The following NOL11 variants were observed in gnomAD, a reference collection of about 807,000 sequenced individuals.
NOL11 encodes the protein nucleolar protein 11.
NOL11 carries 42 observed loss-of-function variants against 93.0 expected under a neutral mutation model. The ratio of observed to expected loss-of-function variants is 0.45; its 90% CI spans 0.35 to 0.58. The LOEUF is 0.58. Among genes scored for constraint, NOL11 ranks in the 20% least tolerant of loss-of-function variants. The probability of loss-of-function intolerance (pLI) is 0.00; values close to 1 mark genes in which losing one functional copy is unlikely to be tolerated. For missense variants in NOL11, 775 were observed against 841.8 expected (o/e 0.92, Z 0.98); for synonymous variants, 296 against 293.7 (o/e 1.01, Z -0.08).
chr17:67,718,411 A>G (rs2043192360), intron 1 of NOL11, among the ~76,000 whole-genome samples: 1 of 152,188 alleles, frequency 6.6e-6, no homozygotes, highest in Non-Finnish European at 1.5e-5. Context: ...TTATTATCTT[A>G]GCCGCCCGCG....
At chr17:67,729,999 C>T (rs1340255559) in intron 7 of NOL11, among the ~76,000 whole-genome samples, 1 of 152,136 alleles carries the variant, frequency 6.6e-6, no homozygotes, top group East Asian at 1.9e-4. Context: ...CTCAGCCTCC[C>T]ATAGTGTTGG....
Position 67,717,968 on chromosome 17 carries a change from A to T in NOL11, c.21A>T (p.Glu7Asp). MAALEE[E>D]FTLSSVVLSA... Reference sequence around the variant, plus strand: ...TCAAAATGGCAGCGCTGGAGGAAGAATTCACGTTGTCTTCGGTAGTCCTGA... The same window carrying T: ...TCAAAATGGCAGCGCTGGAGGAAGATTTCACGTTGTCTTCGGTAGTCCTGA... The change falls in exon 1 of 18, where the codon GAA becomes GAT. Residue 7 changes from glutamate (E) to aspartate (D), a missense_variant. Transcript: ENST00000253247. The T allele has an allele frequency of 2.5e-6, 4 of 1,614,248 alleles. No individual in the cohort carries two copies. The highest frequency in any genetic ancestry group is 3.4e-6 in the Non-Finnish European group (4 of 1,180,020).
intron 6 of NOL11, among the ~76,000 whole-genome samples, chr17:67,725,567 G>A (rs759378695): frequency 1.3e-5 from 2 of 152,036 alleles, no homozygotes; most frequent in Non-Finnish European, 2.9e-5. Flanking sequence ...AAATGTTTGC[G>A]GTGGCTATTT....
At position 67,737,677 on chromosome 17, in the gene NOL11, A is replaced by G. The variant is rs139420664; in HGVS notation, c.1388A>G (p.His463Arg). The G allele has an allele frequency of 1.2e-4, 190 of 1,613,092 alleles. No homozygotes were observed. In the African/African-American group the frequency reaches 1.7e-3, roughly 14 times the overall value. ...RNCLMQLIQT[H>R]VLSYSLCPDL... ...TGTCTGATGCAGCTTATCCAAACGCATGTGCTTTCTTACAGGTAGCTGTTT... is the reference window on the plus strand; with the variant it reads ...TGTCTGATGCAGCTTATCCAAACGCGTGTGCTTTCTTACAGGTAGCTGTTT... Residue 463 changes from histidine (H) to arginine (R), a missense_variant, in exon 12 of 18, where the codon CAT becomes CGT. Coordinates refer to ENST00000253247, the MANE Select transcript of NOL11 (RefSeq NM_015462.5).
intron 7 of NOL11, among the ~76,000 whole-genome samples, chr17:67,730,500 T>C (rs1599041811): frequency 6.6e-6 from 1 of 152,174 alleles, no homozygotes. Context: ...GACCTCATGA[T>C]CCGCCCGCCT....
Position 67,723,370 on chromosome 17 carries a change from A to ATTTTTTTT in NOL11, c.520-649_520-642dup, listed in dbSNP as rs568396700. On this transcript the variant is annotated intron_variant, in intron 5 of 17. Coordinates refer to ENST00000253247, the MANE Select transcript of NOL11 (RefSeq NM_015462.5). ...TCGTTATTCTCTCAGAAGATCTCTA[A>ATTTTTTTT]TTTTTTTTTTTTTTTTTTTTTTTTT... 3.1e-4 allele frequency among the ~76,000 whole-genome samples: 19 copies of ATTTTTTTT among 60,772 alleles called. 2 individuals are homozygous for ATTTTTTTT. The highest frequency in any genetic ancestry group is 1.1e-3 in the African/African-American group (17 of 15,584). The allele number at this position is 60,772 out of a possible 152,430, so 39.9% of individuals were successfully genotyped here.
In NOL11 at chr17:67,738,984, A is replaced by G. The variant is rs2055229827; in HGVS notation, c.1816A>G (p.Lys606Glu). ...YSETFLLPHL[K>E]DIPAQHITLF... ...CGAGACATTTCTTCTGCCTCATTTG[A>G]AAGACATCCCAGCACAGCATATCAC... The change falls in exon 15 of 18, where the codon AAA becomes GAA. Residue 606 changes from lysine (K) to glutamate (E), a missense_variant. Transcript: ENST00000253247. The G allele has an allele frequency of 6.2e-7, 1 of 1,612,692 alleles. No homozygotes were observed. The highest frequency in any genetic ancestry group is 8.5e-7 in the Non-Finnish European group (1 of 1,178,914).
At chr17:67,728,051 C>T (rs372887026) in intron 7 of NOL11, among the ~76,000 whole-genome samples, 1 of 151,952 alleles carries the variant, frequency 6.6e-6, no homozygotes, top group Non-Finnish European at 1.5e-5. Context: ...ACAAGGTCAG[C>T]AGATCAAGAC....
chr17:67,739,068 A>G, intron 15 of NOL11, 58 bp downstream of exon 15: 1 of 1,212,156 alleles, frequency 8.2e-7, no homozygotes, highest in Admixed American at 1.8e-5. Context: ...TTGCTATTTA[A>G]CTCTAACCAG....
Position 67,724,206 on chromosome 17 carries a change from T to G in NOL11, c.664+13T>G. ...TTGATGTCATTAAGTAAGTTTTCTT[T>G]CTTTAAACTTTCAGAGATTATAAAT... On this transcript the variant is annotated intron_variant, in intron 6 of 17. Transcript: ENST00000253247. 6.7e-7 allele frequency: 1 copy of G among 1,485,330 alleles called. No individual in the cohort carries two copies. Among genetic ancestry groups the G allele is most frequent in the Non-Finnish European group, 9.2e-7 (1 of 1,089,966 alleles). The allele number at this position is 1,485,330 out of a possible 1,614,324, so 92.0% of individuals were successfully genotyped here.
chr17:67,739,478 A>G (rs1038614362), intron 15 of NOL11, 38 bp from the exon 16 acceptor site: 26 of 1,306,120 alleles, frequency 2.0e-5, no homozygotes, highest in Non-Finnish European at 2.8e-5. Context: ...AATTTTTTCT[A>G]TCAAAATGAT....
intron 3 of NOL11, 92 bp downstream of exon 3, chr17:67,720,054 C>T: frequency 8.3e-7 from 1 of 1,205,982 alleles, no homozygotes; most frequent in African/African-American, 1.5e-5. Flanking sequence ...TTTAATACCT[C>T]TGGGAAAATA....
intron 10 of NOL11, 90 bp from the exon 11 acceptor site, chr17:67,736,981 C>G: frequency 1.1e-6 from 1 of 880,900 alleles, no homozygotes; most frequent in Non-Finnish European, 1.9e-6. Flanking sequence ...CAAAAGTGTG[C>G]TAATCTCTTT....
intron 3 of NOL11, among the ~76,000 whole-genome samples, chr17:67,721,035 A>G (rs1171176101): frequency 6.6e-6 from 1 of 152,194 alleles, no homozygotes; most frequent in Non-Finnish European, 1.5e-5. Context: ...GTTTTTATCT[A>G]ACACCAGAAT....
In NOL11 at chr17:67,737,839, T is replaced by G. The variant is rs2055217025; in HGVS notation, c.1404-8T>G. 9 of 1,603,348 alleles carry G rather than the reference T, an allele frequency of 5.6e-6. No homozygotes were observed. Among genetic ancestry groups the G allele is most frequent in the Non-Finnish European group, 7.6e-6 (9 of 1,177,336 alleles). ...TATGTAATAGTGATTCAGATTTTTT[T>G]GTCTTAGTTTGTGCCCCGACTTAAT... On this transcript the variant is annotated splice_polypyrimidine_tract_variant and splice_region_variant and intron_variant, in intron 12 of 17. Coordinates refer to ENST00000253247, the MANE Select transcript of NOL11 (RefSeq NM_015462.5).
rs2055210588 is a variant in NOL11 at position 67,737,215 on chromosome 17, T to TTC, written c.1218+72_1218+73dup. 1.4e-5 allele frequency: 13 copies of TTC among 918,616 alleles called. 1 individual carries two copies. In the South Asian group the frequency reaches 1.8e-4, roughly 13 times the overall value. 56.9% of individuals were successfully genotyped at this position (918,616 alleles called of 1,614,324 possible). A position where few individuals can be genotyped will look rare whatever the true frequency, so the allele number is the denominator to read the frequency against. On this transcript the variant is annotated intron_variant, in intron 11 of 17. Transcript: ENST00000253247. The stretch of plus-strand genomic sequence containing the variant: ...CCAAAGAAATCGCATCTACTCTTCG[T>TTC]TCTGTCTTATTTTTATGATCATCTT...
chr17:67,737,496 C>G lies in NOL11; in HGVS notation c.1219-12C>G, dbSNP rs766630810. 9.4e-6 allele frequency: 15 copies of G among 1,591,038 alleles called. No homozygotes were observed. The highest frequency in any genetic ancestry group is 1.3e-5 in the Non-Finnish European group (15 of 1,171,052). On this transcript the variant is annotated splice_polypyrimidine_tract_variant and intron_variant, in intron 11 of 17. Coordinates refer to ENST00000253247, the MANE Select transcript of NOL11 (RefSeq NM_015462.5). ...ATGTGCCAAACTGAATTCTTTAATTCTGCGCTTTCAGAAAGATTCAGAAAA... is the reference window on the plus strand; with the variant it reads ...ATGTGCCAAACTGAATTCTTTAATTGTGCGCTTTCAGAAAGATTCAGAAAA...
chr17:67,739,859 T>G (rs745559025), intron 16 of NOL11, among the ~76,000 whole-genome samples: 2 of 152,200 alleles, frequency 1.3e-5, no homozygotes, highest in Non-Finnish European at 2.9e-5. Flanking sequence ...GACCCTTCCC[T>G]TTTCCAAGAA....
chr17:67,739,396 A>G (rs1461531555), intron 15 of NOL11, 120 bp from the exon 16 acceptor site: 1 of 609,996 alleles, frequency 1.6e-6, no homozygotes, highest in Non-Finnish European at 2.9e-6. Context: ...ATGTCTCCAG[A>G]TGTCTGGCGT....
Sources: allele counts gnomAD v4.1 joint callset (sites outside exome capture counted in the v4.1 genomes callset), GRCh38; gene constraint gnomAD v4.1.1; transcripts MANE v1.5; gene names NCBI Gene and HGNC (gene_info 2026-07-23, HGNC 2026-07-21).